SGO1: variants seen among roughly 807,000 people sequenced by gnomAD.
The protein encoded by SGO1 is serologically defined breast cancer antigen NY-BR-85.
A neutral mutation model predicts 50.5 loss-of-function variants in SGO1; 39 were observed. The observed-to-expected ratio is 0.77, with a 90% CI of 0.60 to 1.01. The LOEUF (loss-of-function observed/expected upper bound fraction) is 1.01, where lower values mean the gene tolerates loss of function less well. Ranked by LOEUF, SGO1 falls within the 50% of genes least tolerant of loss-of-function variation. The pLI is 0.00. For missense variants in SGO1, 638 were observed against 606.0 expected, an observed-to-expected ratio of 1.05 and a Z score of -0.55; for synonymous variants, 191 against 205.1, an observed-to-expected ratio of 0.93 and a Z score of 0.59.
At position 20,161,159 on chromosome 3, in the gene SGO1, C is replaced by CAT. The variant is rs1700017337; in HGVS notation, c.1631_1632insAT (p.Arg545Ter). ...TACATTTCCTACAGTCTGGGAATCTCGAAACAAATTCTCGAACATAATATA... is the reference window on the plus strand; with the variant it reads ...TACATTTCCTACAGTCTGGGAATCTCATGAAACAAATTCTCGAACATAATATA... On this transcript the variant is annotated frameshift_variant, in exon 9 of 9. Coordinates refer to the SGO1 transcript ENST00000263753. LOFTEE classifies it high-confidence loss of function. The CAT allele has an allele frequency of 1.2e-6, 2 of 1,613,172 alleles. No homozygotes were observed. Among genetic ancestry groups the CAT allele is most frequent in the South Asian group, 1.1e-5 (1 of 90,984 alleles).
chr3:20,163,423 T>G (rs1406637688), intron 8 of SGO1, among the ~76,000 whole-genome samples: 2 of 152,188 alleles, frequency 1.3e-5, no homozygotes, highest in Non-Finnish European at 2.9e-5. Context: ...TCATCTATTT[T>G]GGAAAAACTG....
intron 3 of SGO1, among the ~76,000 whole-genome samples, chr3:20,180,927 G>A (rs1172412494): frequency 1.3e-5 from 2 of 152,216 alleles, no homozygotes; most frequent in African/African-American, 4.8e-5. Flanking sequence ...AGGAGCTCAA[G>A]ACCAGCTTGG....
At chr3:20,168,971 T>G (rs1014824897), downstream of SGO1, 27 of 985,020 alleles carry the variant, frequency 2.7e-5, no homozygotes, top group African/African-American at 4.5e-4. Context: ...GTAGTCTTAG[T>G]TTAAGATAGC....
intron 6 of SGO1, among the ~76,000 whole-genome samples, chr3:20,172,549 G>A (rs981249713): frequency 6.6e-6 from 1 of 151,714 alleles, no homozygotes; most frequent in Non-Finnish European, 1.5e-5. Flanking sequence ...CACGGTATGG[G>A]GTATGGCCTG....
At chr3:20,177,488 T>C (rs58780300) in intron 4 of SGO1, among the ~76,000 whole-genome samples, 40,000 of 152,030 alleles carry the variant, frequency 0.26, 5,231 homozygotes, top group African/African-American at 0.27. Flanking sequence ...CCAAGGGCAA[T>C]TATGCTCTCC....
intron 8 of SGO1, chr3:20,161,249 C>A: frequency 6.5e-7 from 1 of 1,532,942 alleles, no homozygotes; most frequent in Non-Finnish European, 8.7e-7. Flanking sequence ...AACACAAAAT[C>A]AGTCTACAGA....
downstream of SGO1, among the ~76,000 whole-genome samples, chr3:20,164,952 T>G (rs916385683): frequency 8.5e-5 from 13 of 152,176 alleles, no homozygotes; most frequent in Non-Finnish European, 1.6e-4. Flanking sequence ...AAAATTGAAT[T>G]CATTTTAAGG....
chr3:20,173,678 A>C (rs1195890012), intron 6 of SGO1, among the ~76,000 whole-genome samples: 1 of 152,202 alleles, frequency 6.6e-6, no homozygotes, highest in Non-Finnish European at 1.5e-5. Flanking sequence ...CCAAATGAGA[A>C]TCTTTGTGGA....
chr3:20,174,972 T>C lies in SGO1; in HGVS notation c.559A>G (p.Arg187Gly). The change falls in exon 6 of 8, where the codon AGA becomes GGA. Residue 187 changes from arginine (R) to glycine (G), a missense_variant. Physicochemically the swap from Arg to Gly is moderately radical, Grantham distance 125. Coordinates refer to ENST00000412997, the MANE Select transcript of SGO1 (RefSeq NM_001199251.3). ...EAKSTDNVLP[R>G]TVSVRSSLKK... ...AAACTGCTACGAACAGATACAGTTC[T>C]AGGTAAGACATTATCAGTAGACTTA... 6.2e-7 allele frequency: 1 copy of C among 1,612,430 alleles called. No individual in the cohort carries two copies. Among genetic ancestry groups the C allele is most frequent in the Non-Finnish European group, 8.5e-7 (1 of 1,179,132 alleles).
chr3:20,174,104 C>CA (rs1701081572), intron 6 of SGO1, 145 bp downstream of exon 6: 2 of 668,212 alleles, frequency 3.0e-6, no homozygotes. Flanking sequence ...ACTGTTTAAT[C>CA]AGACCATAAC....
At chr3:20,177,689 A>T (rs1461996040) in intron 4 of SGO1, among the ~76,000 whole-genome samples, 4 of 152,196 alleles carry the variant, frequency 2.6e-5, no homozygotes. Flanking sequence ...TAGTTCCACG[A>T]TATATACATT....
At chr3:20,184,088 TA>T (rs1221967829) in intron 1 of SGO1, 54 bp from the exon 2 acceptor site, 16 of 1,401,438 alleles carry the variant, frequency 1.1e-5, no homozygotes, top group African/African-American at 1.0e-4. Context: ...ATATAAAACT[TA>T]AAAAACATAG....
At position 20,183,422 on chromosome 3, in the gene SGO1, C is replaced by A. The variant is rs539895309; in HGVS notation, c.339+186G>T. Reference sequence around the variant, plus strand: ...AACAGGCAGGAACAGGCCTCAATCACCTATATGCTTGAAGCTTTCTTAAAT... The same window carrying A: ...AACAGGCAGGAACAGGCCTCAATCAACTATATGCTTGAAGCTTTCTTAAAT... On this transcript the variant is annotated intron_variant, in intron 3 of 7. Coordinates refer to ENST00000412997, the MANE Select transcript of SGO1 (RefSeq NM_001199251.3). 3.3e-5 allele frequency among the ~76,000 whole-genome samples: 5 copies of A among 152,310 alleles called. No individual in the cohort carries two copies. In the South Asian group the frequency reaches 1.0e-3, roughly 32 times the overall value.
chr3:20,174,250 G>A lies in SGO1; in HGVS notation c.1281C>T (p.Thr427=). 6.2e-7 allele frequency: 1 copy of A among 1,607,802 alleles called. No individual in the cohort carries two copies. The highest frequency in any genetic ancestry group is 8.5e-7 in the Non-Finnish European group (1 of 1,174,766). The change falls in exon 6 of 8, where the codon ACC becomes ACT. Residue 427 remains threonine (T), a splice_region_variant and synonymous_variant. Coordinates refer to ENST00000412997, the MANE Select transcript of SGO1 (RefSeq NM_001199251.3). The part of the protein sequence containing the change: ...TEGSKPTKTP[T]TTPPETQQSP... Reference sequence around the variant, plus strand: ...CAGGTAAACAAGTAGATCACTTACTGGTAGGAGTTTTTGTTGGCTTAGAAC... The same window carrying A: ...CAGGTAAACAAGTAGATCACTTACTAGTAGGAGTTTTTGTTGGCTTAGAAC...
At chr3:20,179,226 G>A (rs149707187) in intron 3 of SGO1, among the ~76,000 whole-genome samples, 20 of 152,274 alleles carry the variant, frequency 1.3e-4, no homozygotes, top group African/African-American at 3.1e-4. Context: ...ATCTGTGGGG[G>A]AGACAAGGGG....
chr3:20,169,607 G>A lies in SGO1; in HGVS notation c.*1097C>T. 1.0e-6 allele frequency: 1 copy of A among 985,056 alleles called. No individual in the cohort carries two copies. Among genetic ancestry groups the A allele is most frequent in the Non-Finnish European group, 1.2e-6 (1 of 829,686 alleles). The allele number at this position is 985,056 out of a possible 1,614,324, so 61.0% of individuals were successfully genotyped here. On this transcript the variant is annotated 3_prime_UTR_variant, in exon 8 of 8. Transcript: ENST00000412997. ...CTGAACTAATTCGCTTTCATTGGTT[G>A]GTCAAAAATATGCAAAAACCCTAAA... is the stretch of plus-strand genomic sequence containing the variant.
chr3:20,161,026 T>G, exon 9 of SGO1: 5 of 1,595,930 alleles, frequency 3.1e-6, no homozygotes, highest in Non-Finnish European at 4.3e-6. Context: ...CACATAAAGC[T>G]AGAATCTATT....
chr3:20,167,088 T>A (rs892790753), downstream of SGO1, among the ~76,000 whole-genome samples: 1 of 152,092 alleles, frequency 6.6e-6, no homozygotes, highest in South Asian at 2.1e-4. Context: ...ATTGTGACTA[T>A]ACAATATACC....
chr3:20,183,817 A>G lies in SGO1; in HGVS notation c.143-13T>C, dbSNP rs759128985. ...GTAGAAGTGTTGGCTAAAAGAGGAT[A>G]AAAAAATTTATCAGTTATTAAATCT... is the stretch of plus-strand genomic sequence containing the variant. On this transcript the variant is annotated splice_polypyrimidine_tract_variant and intron_variant, in intron 2 of 7. Coordinates refer to ENST00000412997, the MANE Select transcript of SGO1 (RefSeq NM_001199251.3). 7.5e-6 allele frequency: 12 copies of G among 1,600,328 alleles called. No homozygotes were observed. The South Asian group carries it at 1.4e-4, about 18-fold the overall frequency.
Sources: gnomAD v4.1 joint callset for allele counts (sites outside exome capture counted in the v4.1 genomes callset) on GRCh38, gnomAD v4.1.1 for gene constraint, MANE v1.5 for transcripts, NCBI Gene and HGNC (gene_info 2026-07-23, HGNC 2026-07-21) for gene names.